The following DMTF1 variants were observed in gnomAD, a reference collection of about 807,000 sequenced individuals.
DMTF1 encodes cyclin D binding myb like transcription factor 1, also known as cyclin-D-binding Myb-like transcription factor 1.
DMTF1 carries 39 observed loss-of-function variants against 91.1 expected under a neutral mutation model. That is an observed-to-expected ratio of 0.43 (90% CI 0.33 to 0.56). The LOEUF is 0.56. Among genes scored for constraint, DMTF1 ranks in the 20% least tolerant of loss-of-function variants. The pLI is 0.05. For missense variants in DMTF1, 750 were observed against 914.5 expected, an observed-to-expected ratio of 0.82 and a Z score of 2.32; for synonymous variants, 338 against 309.5, an observed-to-expected ratio of 1.09 and a Z score of -0.97.
intron 4 of DMTF1, 125 bp from the exon 5 acceptor site, chr7:87,170,870 G>A (rs1412207241): frequency 1.4e-5 from 9 of 664,326 alleles, no homozygotes; most frequent in Non-Finnish European, 2.1e-5. Context: ...GTATGTATGT[G>A]AAGATGTATT....
At chr7:87,155,757 A>G (rs932686780) in intron 1 of DMTF1, among the ~76,000 whole-genome samples, 2 of 90,560 alleles carry the variant, frequency 2.2e-5, no homozygotes, top group Non-Finnish European at 4.2e-5. Flanking sequence ...GCCCCACCCA[A>G]GTTTGTAGAA....
intron 1 of DMTF1, among the ~76,000 whole-genome samples, chr7:87,161,576 A>G (rs944560533): frequency 6.6e-6 from 1 of 152,200 alleles, no homozygotes; most frequent in African/African-American, 2.4e-5. Flanking sequence ...AGTAGAGGTA[A>G]TATATTTGGA....
At chr7:87,166,057 T>G (rs1011078934) in intron 3 of DMTF1, among the ~76,000 whole-genome samples, 11 of 152,230 alleles carry the variant, frequency 7.2e-5, no homozygotes, top group African/African-American at 2.7e-4. Flanking sequence ...TACAGGTTCT[T>G]TAATTTGGCC....
intron 14 of DMTF1, 167 bp from the exon 15 acceptor site, chr7:87,193,031 C>A (rs1049510557): frequency 3.1e-6 from 2 of 646,070 alleles, no homozygotes; most frequent in African/African-American, 3.7e-5. Flanking sequence ...GCCTCTTAAA[C>A]CTTCAGGCTA....
rs144925493 is a variant in DMTF1 at position 87,155,126 on chromosome 7, C to T, written c.-132+2571C>T. 6.5e-3 allele frequency among the ~76,000 whole-genome samples: 997 copies of T among 152,312 alleles called. 8 individuals are homozygous for T. Among genetic ancestry groups the T allele is most frequent in the African/African-American group, 0.023 (953 of 41,566 alleles). ...TGAAACAAGTATTCCTAAGGATTTA[C>T]TGCCTGGCACATAGATGTTAAAATA... On this transcript the variant is annotated intron_variant, in intron 1 of 17. Coordinates refer to ENST00000331242, the MANE Select transcript of DMTF1 (RefSeq NM_001142327.2).
chr7:87,187,670 C>G (rs17766262), intron 12 of DMTF1: 4,498 of 182,206 alleles, frequency 0.025, 164 homozygotes, highest in East Asian at 0.16. Flanking sequence ...GAAGTTGCTA[C>G]CTCTAGACCA....
intron 5 of DMTF1, among the ~76,000 whole-genome samples, chr7:87,171,796 A>C (rs1245879260): frequency 1.3e-5 from 2 of 152,210 alleles, no homozygotes; most frequent in Admixed American, 1.3e-4. Flanking sequence ...TTTATATGTC[A>C]TACATAGATA....
intron 8 of DMTF1, among the ~76,000 whole-genome samples, chr7:87,181,039 GGGGTTTTGCCATGTT>G (rs1441694139): frequency 6.6e-6 from 1 of 151,886 alleles, no homozygotes; most frequent in Admixed American, 6.6e-5. Context: ...TGGTAGAGAT[GGGGTTTTGCCATGTT>G]GGCCAGGCTG....
rs1200075171 is a variant in DMTF1 at position 87,179,519 on chromosome 7, A to G, written c.520-26A>G. On this transcript the variant is annotated intron_variant, in intron 7 of 17. Transcript: ENST00000331242. ...CATATGCATTTTATCAGAAATCCCT[A>G]AATCAAAGAAATGTAACCCATTTAG... 4 of 1,479,708 alleles carry G rather than the reference A, an allele frequency of 2.7e-6. No individual in the cohort carries two copies. In the African/African-American group the frequency reaches 4.4e-5, roughly 16 times the overall value. 91.7% of individuals were successfully genotyped at this position (1,479,708 alleles called of 1,614,324 possible).
rs932832863 is a variant in DMTF1, at chr7:87,192,117, C to G, written c.1495-1081C>G. 5.9e-5 allele frequency among the ~76,000 whole-genome samples: 9 copies of G among 152,144 alleles called. No individual in the cohort carries two copies. The East Asian group carries it at 9.7e-4, about 16-fold the overall frequency. On this transcript the variant is annotated intron_variant, in intron 14 of 17. Coordinates refer to ENST00000331242, the MANE Select transcript of DMTF1 (RefSeq NM_001142327.2). Reference sequence around the variant, plus strand: ...CCCTGGTAAACAATATATGTACACACCTACATATTTGAGGTATGTGTTCAG... The same window carrying G: ...CCCTGGTAAACAATATATGTACACAGCTACATATTTGAGGTATGTGTTCAG...
Position 87,195,182 on chromosome 7 carries a change from C to CT in DMTF1, c.*43dup. 7.3e-7 allele frequency: 1 copy of CT among 1,376,124 alleles called. No homozygotes were observed. Among genetic ancestry groups the CT allele is most frequent in the Non-Finnish European group, 1.0e-6 (1 of 970,454 alleles). 85.2% of individuals were successfully genotyped at this position (1,376,124 alleles called of 1,614,324 possible). ...AGGCAGTTCAAGCAAAGAAGGCACA[C>CT]TGTTAATTACAACCTCTTCAAAGAA... On this transcript the variant is annotated 3_prime_UTR_variant, in exon 18 of 18. Transcript: ENST00000331242.
chr7:87,156,329 T>C (rs1395529782), intron 1 of DMTF1, among the ~76,000 whole-genome samples: 2 of 152,180 alleles, frequency 1.3e-5, no homozygotes, highest in African/African-American at 4.8e-5. Flanking sequence ...TTTTCAATAG[T>C]TGGTAATTGA....
intron 11 of DMTF1, chr7:87,184,882 C>T: frequency 6.9e-6 from 4 of 583,314 alleles, no homozygotes; most frequent in South Asian, 6.1e-5. Flanking sequence ...CTCTCTATAT[C>T]CACAGAACAG....
At chr7:87,171,578 T>C (rs1795080798) in intron 5 of DMTF1, among the ~76,000 whole-genome samples, 1 of 152,172 alleles carries the variant, frequency 6.6e-6, no homozygotes, top group African/African-American at 2.4e-5. Context: ...TCCCTATGTA[T>C]ATAGTACTTT....
chr7:87,183,407 GGATT>G (rs1297621463), intron 10 of DMTF1, among the ~76,000 whole-genome samples: 1 of 152,182 alleles, frequency 6.6e-6, no homozygotes, highest in African/African-American at 2.4e-5. Flanking sequence ...CCAACCTGAG[GGATT>G]GATTGATCTG....
At chr7:87,179,105 T>G (rs1796839534) in intron 7 of DMTF1, among the ~76,000 whole-genome samples, 2 of 152,070 alleles carry the variant, frequency 1.3e-5, no homozygotes. Context: ...TTTCTAATAC[T>G]GTTTGTGTCT....
At chr7:87,155,140 G>A (rs1311144709) in intron 1 of DMTF1, among the ~76,000 whole-genome samples, 1 of 152,180 alleles carries the variant, frequency 6.6e-6, no homozygotes, top group African/African-American at 2.4e-5. Flanking sequence ...CTGGCACATA[G>A]ATGTTAAAAT....
Position 87,166,533 on chromosome 7 carries a change from CTTTG to C in DMTF1, c.166_169del (p.Leu56ProfsTer31), listed in dbSNP as rs1793872137. 2 of 1,612,956 alleles carry C rather than the reference CTTTG, an allele frequency of 1.2e-6. No individual in the cohort carries two copies. Among genetic ancestry groups the C allele is most frequent in the Non-Finnish European group, 1.7e-6 (2 of 1,179,194 alleles). On this transcript the variant is annotated frameshift_variant, in exon 4 of 18. Transcript: ENST00000331242. LOFTEE classifies it high-confidence loss of function. ...TAGTATTGAACCTCCACATAAAAGG[CTTTG>C]TTTGTCCTCTGAGGATGATCAGAGT...
chr7:87,174,926 AC>A (rs1359004192), intron 7 of DMTF1, among the ~76,000 whole-genome samples: 1 of 152,194 alleles, frequency 6.6e-6, no homozygotes, highest in Non-Finnish European at 1.5e-5. Flanking sequence ...TAGCCTCTCA[AC>A]ATTTTAAAGC....
Sources: allele counts gnomAD v4.1 joint callset (sites outside exome capture counted in the v4.1 genomes callset), GRCh38; gene constraint gnomAD v4.1.1; transcripts MANE v1.5; gene names NCBI Gene and HGNC (gene_info 2026-07-23, HGNC 2026-07-21).